CPAMD8: variants seen among roughly 807,000 people sequenced by gnomAD.
CPAMD8 encodes C3 and PZP like alpha-2-macroglobulin domain containing 8, also known as C3 and PZP-like alpha-2-macroglobulin domain-containing protein 8.
A neutral mutation model predicts 224.7 loss-of-function variants in CPAMD8; 146 were observed. The ratio of observed to expected loss-of-function variants is 0.65; its 90% confidence interval spans 0.57 to 0.75. The LOEUF is 0.75. Among genes scored for constraint, CPAMD8 ranks in the 30% least tolerant of loss-of-function variants. CPAMD8 has a pLI of 0.00. For synonymous variants in CPAMD8, 966 were observed against 1,044.6 expected (o/e 0.92, Z 1.45); for missense variants, 2,301 against 2,537.5 (o/e 0.91, Z 2.00).
chr19:16,952,154 T>A lies in CPAMD8; in HGVS notation c.2323A>T (p.Ile775Phe). The A allele has an allele frequency of 6.4e-7, 1 of 1,551,038 alleles. No individual in the cohort carries two copies. The highest frequency in any genetic ancestry group is 8.7e-7 in the Non-Finnish European group (1 of 1,146,492). Residue 775 changes from isoleucine (I) to phenylalanine (F), a missense_variant, in exon 20 of 42, where the codon ATC becomes TTC. By Grantham distance (21) the Ile-to-Phe change is conservative. Coordinates refer to ENST00000443236, the MANE Select transcript of CPAMD8 (RefSeq NM_015692.5). ...ACGGCCTCACCCACCCAGCTGGTGA[T>A]GGAGTCCGGGACCTTCACACTGAGT... ...GTLSVKVPDSITSWVGEAVAL... is the reference protein window; with the variant it reads ...GTLSVKVPDSFTSWVGEAVAL...
Position 16,997,265 on chromosome 19 carries a change from C to A in CPAMD8, c.941G>T (p.Gly314Val). 4.5e-6 allele frequency: 7 copies of A among 1,561,780 alleles called. No individual in the cohort carries two copies. Among genetic ancestry groups the A allele is most frequent in the Non-Finnish European group, 6.2e-6 (7 of 1,136,242 alleles). ...CACCATGGCCCAGATGCTGACCCTG[C>A]CCCGGAAGTGCTCAGGGACGTCCGC... Reference protein sequence around the residue: ...IPADVPEHFRGRVSIWAMVTS... With the variant: ...IPADVPEHFRVRVSIWAMVTS... Residue 314 changes from glycine to valine, a missense_variant, in exon 11 of 42, where the codon GGC becomes GTC. Transcript: ENST00000443236.
At chr19:17,013,711 TG>T (rs1274307730) in intron 3 of CPAMD8, among the ~76,000 whole-genome samples, 1 of 151,520 alleles carries the variant, frequency 6.6e-6, no homozygotes, top group African/African-American at 2.4e-5. Flanking sequence ...AAAAATGTTC[TG>T]GAACTAGATG....
intron 13 of CPAMD8, 33 bp downstream of exon 13, chr19:16,989,610 T>G (rs778365432): frequency 6.2e-7 from 1 of 1,602,968 alleles, no homozygotes; most frequent in South Asian, 1.1e-5. Flanking sequence ...GGATCCCGCA[T>G]GGCCCAGGAA....
At chr19:16,927,948 GA>G (rs745422506) in intron 25 of CPAMD8, 60 bp downstream of exon 25, 209 of 1,209,856 alleles carry the variant, frequency 1.7e-4, no homozygotes, top group Non-Finnish European at 2.5e-4. Context: ...ACTAAGCCTG[GA>G]GTCTCAACTT....
At chr19:16,894,915 C>G (rs1212615973) in intron 41 of CPAMD8, 1 of 185,308 alleles carries the variant, frequency 5.4e-6, no homozygotes, top group African/African-American at 2.7e-5. Context: ...GAGACCCCAT[C>G]TCTACAACAC....
intron 26 of CPAMD8, 151 bp downstream of exon 26, chr19:16,925,045 A>C: frequency 1.4e-6 from 1 of 729,596 alleles, no homozygotes; most frequent in Non-Finnish European, 2.3e-6. Context: ...GACAGTGACA[A>C]GATCAGGGCC....
intron 11 of CPAMD8, among the ~76,000 whole-genome samples, chr19:16,994,828 A>G (rs1282587256): frequency 6.6e-6 from 1 of 151,968 alleles, no homozygotes; most frequent in Non-Finnish European, 1.5e-5. Flanking sequence ...TTTTTTGTAG[A>G]GACTGGATCT....
intron 27 of CPAMD8, among the ~76,000 whole-genome samples, chr19:16,917,305 G>T (rs1164969095): frequency 6.6e-6 from 1 of 152,096 alleles, no homozygotes; most frequent in Non-Finnish European, 1.5e-5. Flanking sequence ...AGTTCATAAC[G>T]TTTTGATGCC....
intron 1 of CPAMD8, among the ~76,000 whole-genome samples, chr19:17,025,999 C>A (rs1462620382): frequency 6.6e-6 from 1 of 152,188 alleles, no homozygotes. Context: ...GAACCCGCAG[C>A]CCTGCAGAGC....
chr19:16,925,212 G>T lies in CPAMD8; in HGVS notation c.3531C>A (p.Thr1177=). 6.2e-7 allele frequency: 1 copy of T among 1,614,160 alleles called. No homozygotes were observed. Among genetic ancestry groups the T allele is most frequent in the Non-Finnish European group, 8.5e-7 (1 of 1,180,032 alleles). ...CCCCAATACCTTGTACTAGGTAGTCGGTGGTCTCTCTCTCCACCTCAGGGC... is the reference window on the plus strand; with the variant it reads ...CCCCAATACCTTGTACTAGGTAGTCTGTGGTCTCTCTCTCCACCTCAGGGC... ...QLSPEVERET[T]DYLVQGYQRQ... is the part of the protein sequence containing the mutation. Residue 1177 remains threonine, a synonymous_variant, in exon 26 of 42, where the codon ACC becomes ACA. Transcript: ENST00000443236.
At chr19:16,954,332 C>CAAAAAAAAAA (rs371839176) in intron 19 of CPAMD8, among the ~76,000 whole-genome samples, 1 of 92,988 alleles carries the variant, frequency 1.1e-5, no homozygotes, top group Admixed American at 1.2e-4. Flanking sequence ...GACTCTATCT[C>CAAAAAAAAAA]AAAAAAAAAA....
At position 16,899,856 on chromosome 19, in the gene CPAMD8, GGT is replaced by G. The variant is rs894957475; in HGVS notation, c.4774-309_4774-308del. On this transcript the variant is annotated intron_variant, in intron 36 of 41. Coordinates refer to ENST00000443236, the MANE Select transcript of CPAMD8 (RefSeq NM_015692.5). This position sits in a 1 kb window ranked among gnomAD's most constrained non-coding sequence, Gnocchi z 5.4. ...GCCCGGCTGAGCCCTGCCGCCTGCT[GGT>G]GTCTCAGCTGCACTGTTCAAGTTCC... is the stretch of plus-strand genomic sequence containing the variant. Among the ~76,000 whole-genome samples, 5 of 151,994 alleles carry G rather than the reference GGT, an allele frequency of 3.3e-5. No homozygotes were observed. The highest frequency in any genetic ancestry group is 1.2e-4 in the African/African-American group (5 of 41,452).
intron 6 of CPAMD8, 52 bp downstream of exon 6, chr19:17,009,248 AAGG>A: frequency 6.2e-7 from 1 of 1,613,828 alleles, no homozygotes; most frequent in Non-Finnish European, 8.5e-7. Context: ...GATCTTGCAG[AAGG>A]TGGGCTACCC....
chr19:16,942,451 G>A (rs1417655724), intron 22 of CPAMD8, among the ~76,000 whole-genome samples: 1 of 152,136 alleles, frequency 6.6e-6, no homozygotes, highest in Non-Finnish European at 1.5e-5. Flanking sequence ...GACAGAGTGA[G>A]ACTCCATCCC....
chr19:16,900,101 C>A (rs570792948), intron 36 of CPAMD8, among the ~76,000 whole-genome samples: 7 of 151,974 alleles, frequency 4.6e-5, no homozygotes, highest in Non-Finnish European at 1.0e-4. Context: ...TCCTCTTTCT[C>A]CCCCAGCCAG....
intron 23 of CPAMD8, among the ~76,000 whole-genome samples, chr19:16,935,058 G>A (rs1421802895): frequency 6.6e-6 from 1 of 152,038 alleles, no homozygotes; most frequent in Non-Finnish European, 1.5e-5. Flanking sequence ...CCTCATATAA[G>A]TGGAATCATA....
chr19:17,018,497 T>C (rs1315718462), intron 3 of CPAMD8, among the ~76,000 whole-genome samples: 2 of 152,114 alleles, frequency 1.3e-5, no homozygotes, highest in African/African-American at 4.8e-5. Flanking sequence ...TCAATTTGGC[T>C]GTTTAGCCTA....
chr19:16,999,868 C>T (rs976397934), intron 10 of CPAMD8, among the ~76,000 whole-genome samples: 1 of 151,918 alleles, frequency 6.6e-6, no homozygotes, highest in Non-Finnish European at 1.5e-5. Context: ...CTCACTTTGT[C>T]GCCCAGGCCA....
chr19:17,003,059 C>T (rs543677242), intron 8 of CPAMD8, among the ~76,000 whole-genome samples: 53 of 151,750 alleles, frequency 3.5e-4, no homozygotes, highest in Non-Finnish European at 6.0e-4. Context: ...CATGCCACCA[C>T]GCCTGGCTAA....
Sources: gnomAD v4.1 joint callset for allele counts (sites outside exome capture counted in the v4.1 genomes callset) on GRCh38, gnomAD v4.1.1 for gene constraint, Gnocchi (gnomAD v3.1) non-coding constraint, MANE v1.5 for transcripts, NCBI Gene and HGNC (gene_info 2026-07-23, HGNC 2026-07-21) for gene names.